The following PFDN4 variants were observed in gnomAD, a reference collection of about 807,000 sequenced individuals.
PFDN4 encodes prefoldin 4.
A neutral mutation model predicts 17.6 loss-of-function variants in PFDN4; 6 were observed. The ratio of observed to expected loss-of-function variants is 0.34; its 90% CI spans 0.19 to 0.67. PFDN4 has a LOEUF of 0.67. PFDN4 is among the 30% of genes least tolerant of loss of function. The pLI is 0.68. For missense variants in PFDN4, 119 were observed against 158.4 expected (o/e 0.75, Z 1.33); for synonymous variants, 48 against 51.1 (o/e 0.94, Z 0.26).
chr20:54,208,622 G>T (rs1290146987), intron 1 of PFDN4: 2 of 154,280 alleles, frequency 1.3e-5, no homozygotes, highest in African/African-American at 4.8e-5. Context: ...TCATAACGGG[G>T]ACAGCAGGTT....
At chr20:54,218,594 T>G (rs971819661) in intron 3 of PFDN4, among the ~76,000 whole-genome samples, 1 of 152,216 alleles carries the variant, frequency 6.6e-6, no homozygotes, top group African/African-American at 2.4e-5. Flanking sequence ...ATTTGGATCA[T>G]AAGTTGTTCT....
chr20:54,217,560 G>A (rs1304667017), intron 3 of PFDN4, among the ~76,000 whole-genome samples: 1 of 152,178 alleles, frequency 6.6e-6, no homozygotes, highest in African/African-American at 2.4e-5. Flanking sequence ...AAAGCAAGAT[G>A]AGTGAATCTG....
At chr20:54,211,883 A>AC (rs535683339) in intron 1 of PFDN4, among the ~76,000 whole-genome samples, 35 of 151,496 alleles carry the variant, frequency 2.3e-4, no homozygotes, top group South Asian at 1.0e-3. Flanking sequence ...GACCACCCCC[A>AC]CCCCCCAGTT....
chr20:54,218,175 G>A (rs550670463), intron 3 of PFDN4, among the ~76,000 whole-genome samples: 1 of 117,606 alleles, frequency 8.5e-6, no homozygotes, highest in Non-Finnish European at 1.7e-5. Context: ...GAACTTAATG[G>A]CTTTTTTTTT....
chr20:54,216,471 C>T (rs1056634173), intron 3 of PFDN4, among the ~76,000 whole-genome samples: 2 of 152,070 alleles, frequency 1.3e-5, no homozygotes, highest in South Asian at 4.1e-4. Flanking sequence ...TTATATGTCT[C>T]CCTTATGTTT....
chr20:54,208,375 G>A, intron 1 of PFDN4: 1 of 426,546 alleles, frequency 2.3e-6, no homozygotes, highest in Non-Finnish European at 4.1e-6. Context: ...ACGCAGGTCC[G>A]CCTCCCGCGA....
rs6023040 is a variant in PFDN4, at chr20:54,213,994, A to T, written c.25-357A>T. 6.0e-3 allele frequency among the ~76,000 whole-genome samples: 919 copies of T among 152,182 alleles called. 7 individuals are homozygous for T. Among genetic ancestry groups the T allele is most frequent in the Admixed American group, 8.9e-3 (136 of 15,276 alleles). On this transcript the variant is annotated intron_variant, in intron 1 of 3. Transcript: ENST00000371419. ...CATTTACCAATATATTTGACCATGT[A>T]ACTTTTTGTTTCCTGGGTCATCTTA...
Position 54,219,064 on chromosome 20 carries a change from T to G in PFDN4, c.319T>G (p.Ser107Ala), listed in dbSNP as rs1286532481. The change falls in exon 4 of 4, where the codon TCA becomes GCA. Residue 107 changes from serine to alanine, a missense_variant. Coordinates refer to ENST00000371419, the MANE Select transcript of PFDN4 (RefSeq NM_002623.4). The stretch of plus-strand genomic sequence containing the variant: ...TGACGCCTTAGAATCCAGAGTGGAA[T>G]CAATTCAGCGAGTGTTAGCAGATTT... The part of the protein sequence containing the change: ...EIDALESRVE[S>A]IQRVLADLKV... 6.3e-7 allele frequency: 1 copy of G among 1,587,864 alleles called. No individual in the cohort carries two copies. Among genetic ancestry groups the G allele is most frequent in the Non-Finnish European group, 8.6e-7 (1 of 1,165,118 alleles).
chr20:54,218,900 G>T, intron 3 of PFDN4, 119 bp from the exon 4 acceptor site: 1 of 619,572 alleles, frequency 1.6e-6, no homozygotes, highest in Non-Finnish European at 2.8e-6. Context: ...GTGTTACTTA[G>T]CTGCCTGTCC....
intron 2 of PFDN4, 114 bp from the exon 3 acceptor site, chr20:54,215,186 A>G (rs1601176139): frequency 1.4e-6 from 1 of 695,542 alleles, no homozygotes; most frequent in East Asian, 2.5e-5. Flanking sequence ...TAATGTGGTA[A>G]TAATACCTTT....
rs1405407296 is a variant in PFDN4 at position 54,219,511 on chromosome 20, T to G, written c.*361T>G. 9 of 389,356 alleles carry G rather than the reference T, an allele frequency of 2.3e-5. No individual in the cohort carries two copies. In the Admixed American group the frequency reaches 4.0e-4, roughly 17 times the overall value. The allele number at this position is 389,356 out of a possible 1,614,324, so 24.1% of individuals were successfully genotyped here. On this transcript the variant is annotated 3_prime_UTR_variant, in exon 4 of 4. Coordinates refer to ENST00000371419, the MANE Select transcript of PFDN4 (RefSeq NM_002623.4). ...GTTGTTTCTGTCTGATTTTAATTGCTGTCTAATGACGGGGAAAGCACGATG... is the reference window on the plus strand; with the variant it reads ...GTTGTTTCTGTCTGATTTTAATTGCGGTCTAATGACGGGGAAAGCACGATG...
chr20:54,214,523 G>T, intron 2 of PFDN4, 65 bp downstream of exon 2: 2 of 686,430 alleles, frequency 2.9e-6, no homozygotes, highest in Non-Finnish European at 2.5e-6. Flanking sequence ...ACTGAACTCA[G>T]TTAACAAGTG....
At chr20:54,215,826 C>T (rs2146542272) in intron 3 of PFDN4, among the ~76,000 whole-genome samples, 2 of 152,290 alleles carry the variant, frequency 1.3e-5, no homozygotes, top group Non-Finnish European at 2.9e-5. Context: ...TCCTGTATTT[C>T]TTTTATGTTC....
At chr20:54,209,189 G>A (rs2092752476) in intron 1 of PFDN4, among the ~76,000 whole-genome samples, 1 of 152,194 alleles carries the variant, frequency 6.6e-6, no homozygotes, top group African/African-American at 2.4e-5. Context: ...TGAGAAAACA[G>A]GCGCGGAGGC....
intron 1 of PFDN4, chr20:54,208,443 G>A (rs1326945294): frequency 8.5e-6 from 3 of 352,562 alleles, no homozygotes; most frequent in African/African-American, 4.3e-5. Flanking sequence ...CGCCCCTGAG[G>A]TGTGGGAAGC....
chr20:54,219,138 T>A lies in PFDN4; in HGVS notation c.393T>A (p.Ala131=), dbSNP rs1253942029. 6.6e-7 allele frequency: 1 copy of A among 1,520,072 alleles called. No individual in the cohort carries two copies. The highest frequency in any genetic ancestry group is 8.9e-7 in the Non-Finnish European group (1 of 1,129,614). 94.2% of individuals were successfully genotyped at this position (1,520,072 alleles called of 1,614,324 possible). A position where few individuals can be genotyped will look rare whatever the true frequency, so the allele number is the denominator to read the frequency against. The change falls in exon 4 of 4, where the codon GCT becomes GCA. Residue 131 remains alanine, a synonymous_variant. Coordinates refer to ENST00000371419, the MANE Select transcript of PFDN4 (RefSeq NM_002623.4). ...AKFGSNINLE[A]DES ...TCGGGAGCAACATAAACCTTGAAGC[T>A]GATGAAAGTTAAACATTTTATAATA...
chr20:54,208,250 G>A (rs1278251415), intron 1 of PFDN4, 126 bp downstream of exon 1: 7 of 867,424 alleles, frequency 8.1e-6, no homozygotes, highest in African/African-American at 1.8e-5. Flanking sequence ...CCGAGGCCGA[G>A]GCCCTGAGAG....
chr20:54,213,851 C>T (rs902483806), intron 1 of PFDN4, among the ~76,000 whole-genome samples: 9 of 151,518 alleles, frequency 5.9e-5, no homozygotes, highest in African/African-American at 1.7e-4. Flanking sequence ...ACAGGTCCTA[C>T]ATTATAAACA....
At chr20:54,218,445 G>A (rs748607613) in intron 3 of PFDN4, among the ~76,000 whole-genome samples, 3 of 152,050 alleles carry the variant, frequency 2.0e-5, no homozygotes, top group Non-Finnish European at 4.4e-5. Flanking sequence ...TAGTTAACAT[G>A]TCTATCACCT....
Sources: allele counts gnomAD v4.1 joint callset (sites outside exome capture counted in the v4.1 genomes callset), GRCh38; gene constraint gnomAD v4.1.1; transcripts MANE v1.5; gene names NCBI Gene and HGNC (gene_info 2026-07-23, HGNC 2026-07-21).